Variants in CACNA2D3 observed in about 807,000 individuals in gnomAD.
CACNA2D3 encodes calcium voltage-gated channel auxiliary subunit alpha2delta 3.
A neutral mutation model predicts 160.6 loss-of-function variants in CACNA2D3; 60 were observed. The ratio of observed to expected loss-of-function variants is 0.37; its 90% confidence interval spans 0.30 to 0.46. The LOEUF is 0.46. Ranked by LOEUF, CACNA2D3 falls within the 20% of genes least tolerant of loss-of-function variation. The probability of loss-of-function intolerance (pLI) is 1.00; values close to 1 mark genes in which losing one functional copy is unlikely to be tolerated. For missense variants in CACNA2D3, 1,205 were observed against 1,365.0 expected, an observed-to-expected ratio of 0.88 and a Z score of 1.85; for synonymous variants, 558 against 492.9, an observed-to-expected ratio of 1.13 and a Z score of -1.75.
chr3:54,754,356 C>A (rs903108859), intron 12 of CACNA2D3, among the ~76,000 whole-genome samples: 1 of 152,238 alleles, frequency 6.6e-6, no homozygotes, highest in Non-Finnish European at 1.5e-5. Context: ...CTGGGTAGAT[C>A]TGAGTCACGT....
At chr3:54,282,821 A>C (rs1702911953) in intron 2 of CACNA2D3, among the ~76,000 whole-genome samples, 2 of 152,130 alleles carry the variant, frequency 1.3e-5, no homozygotes, top group African/African-American at 4.8e-5. Context: ...TAGCCCTCTA[A>C]GAAGAACATA....
intron 11 of CACNA2D3, among the ~76,000 whole-genome samples, chr3:54,687,145 T>TTTTTTTTTTTTTTTTG (rs1559549506): frequency 1.3e-5 from 1 of 74,618 alleles, no homozygotes; most frequent in Admixed American, 1.1e-4. Flanking sequence ...GTTTTTTTTT[T>TTTTTTTTTTTTTTTTG]TTTTTGTTTT....
intron 3 of CACNA2D3, among the ~76,000 whole-genome samples, chr3:54,328,516 A>C (rs1287125980): frequency 6.6e-6 from 1 of 152,136 alleles, no homozygotes; most frequent in Non-Finnish European, 1.5e-5. Context: ...TCCTGACCTC[A>C]GGTGATCTGC....
rs939191779 is a variant in CACNA2D3, at chr3:54,435,893, G to C, written c.381+49119G>C. Among the ~76,000 whole-genome samples the C allele has an allele frequency of 1.1e-4, 16 of 152,178 alleles. No homozygotes were observed. In the East Asian group the frequency reaches 2.9e-3, roughly 28 times the overall value. ...AGCCAAAAACAGAAGTAATTTAAAAGAGAACCAAGTGGAAATTATAGAAAT... is the reference window on the plus strand; with the variant it reads ...AGCCAAAAACAGAAGTAATTTAAAACAGAACCAAGTGGAAATTATAGAAAT... On this transcript the variant is annotated intron_variant, in intron 4 of 37. Coordinates refer to ENST00000474759, the MANE Select transcript of CACNA2D3 (RefSeq NM_018398.3).
intron 2 of CACNA2D3, among the ~76,000 whole-genome samples, chr3:54,244,065 G>GC (rs533616340): frequency 2.0e-5 from 3 of 152,272 alleles, no homozygotes; most frequent in Non-Finnish European, 4.4e-5. Context: ...GCCTAGTAAT[G>GC]CCCCCCAGTC....
At chr3:54,304,902 C>T (rs1047586700) in intron 2 of CACNA2D3, among the ~76,000 whole-genome samples, 1 of 151,966 alleles carries the variant, frequency 6.6e-6, no homozygotes, top group Non-Finnish European at 1.5e-5. Context: ...TTCCTCCGAG[C>T]ATCTTTTGCT....
At chr3:54,819,777 G>A (rs554285829) in intron 14 of CACNA2D3, among the ~76,000 whole-genome samples, 2 of 150,804 alleles carry the variant, frequency 1.3e-5, no homozygotes, top group South Asian at 2.1e-4. Flanking sequence ...CCTGGGAGGT[G>A]GAGGTTGCAG....
chr3:54,933,454 T>G (rs1334075033), intron 27 of CACNA2D3, among the ~76,000 whole-genome samples: 1 of 152,176 alleles, frequency 6.6e-6, no homozygotes, highest in African/African-American at 2.4e-5. Context: ...TCTCCATCAG[T>G]TGGAAAAGGT....
intron 18 of CACNA2D3, among the ~76,000 whole-genome samples, chr3:54,878,180 A>G (rs1206939131): frequency 1.3e-5 from 2 of 152,150 alleles, no homozygotes; most frequent in Non-Finnish European, 2.9e-5. Flanking sequence ...TCAAAGGAGA[A>G]AAGAGGGGAA....
chr3:54,642,103 A>C (rs750481543), intron 10 of CACNA2D3, 25 bp from the exon 11 acceptor site: 1 of 1,477,140 alleles, frequency 6.8e-7, no homozygotes. Context: ...TATGTATACT[A>C]TTTTGAACTT....
intron 29 of CACNA2D3, among the ~76,000 whole-genome samples, chr3:54,977,750 G>A (rs1702422732): frequency 6.6e-6 from 1 of 152,008 alleles, no homozygotes; most frequent in African/African-American, 2.4e-5. Flanking sequence ...TACCTGAAAG[G>A]GATCCCAATC....
chr3:54,778,516 C>A (rs1203256586), intron 13 of CACNA2D3, among the ~76,000 whole-genome samples: 3 of 152,108 alleles, frequency 2.0e-5, no homozygotes, highest in African/African-American at 7.2e-5. Context: ...TTGGATGGAC[C>A]TCCAGTCTAG....
intron 2 of CACNA2D3, among the ~76,000 whole-genome samples, chr3:54,197,789 A>G (rs1394232511): frequency 6.6e-6 from 1 of 152,192 alleles, no homozygotes; most frequent in Non-Finnish European, 1.5e-5. Context: ...ACAGTCGCCT[A>G]TCCTTTCCAT....
chr3:54,783,689 C>G (rs963627019), intron 13 of CACNA2D3, among the ~76,000 whole-genome samples: 1 of 151,872 alleles, frequency 6.6e-6, no homozygotes, highest in South Asian at 2.1e-4. Flanking sequence ...ATTATGTTTC[C>G]CATAGCCTTG....
chr3:54,651,281 A>G (rs1480270610), intron 11 of CACNA2D3, among the ~76,000 whole-genome samples: 1 of 152,152 alleles, frequency 6.6e-6, no homozygotes, highest in African/African-American at 2.4e-5. Flanking sequence ...GTCAGAGAGC[A>G]GGAGAACAGC....
At chr3:55,036,082 CTG>C (rs144708865) in intron 35 of CACNA2D3, among the ~76,000 whole-genome samples, 1,753 of 152,340 alleles carry the variant, frequency 0.012, 36 homozygotes, top group African/African-American at 0.039. Context: ...AAGGTAGTGA[CTG>C]TGCCAAGGGC....
chr3:54,279,631 G>A (rs1702824439), intron 2 of CACNA2D3, among the ~76,000 whole-genome samples: 2 of 152,226 alleles, frequency 1.3e-5, no homozygotes, highest in South Asian at 4.1e-4. Flanking sequence ...TGTTACTGGA[G>A]AGCAGTATGT....
chr3:54,719,811 A>G (rs1405198306), intron 11 of CACNA2D3, among the ~76,000 whole-genome samples: 3 of 152,054 alleles, frequency 2.0e-5, no homozygotes, highest in Non-Finnish European at 4.4e-5. Flanking sequence ...TATAGATTCA[A>G]TCACTTTAAT....
At chr3:54,638,388 A>C (rs183391630) in intron 10 of CACNA2D3, 2 of 152,102 alleles carry the variant, frequency 1.3e-5, no homozygotes, top group South Asian at 4.1e-4. Flanking sequence ...TTTAAGAATA[A>C]ATTGCTGGGC....
Sources: gnomAD v4.1 joint callset for allele counts (sites outside exome capture counted in the v4.1 genomes callset) on GRCh38, gnomAD v4.1.1 for gene constraint, MANE v1.5 for transcripts, NCBI Gene and HGNC (gene_info 2026-07-23, HGNC 2026-07-21) for gene names.